Variants in RALGDS observed in about 807,000 individuals in gnomAD.
The protein encoded by RALGDS is ral guanine nucleotide dissociation stimulator, also known as ral guanine nucleotide exchange factor.
In RALGDS, 44 loss-of-function variants were observed where a neutral mutation model predicts 99.8. The ratio of observed to expected loss-of-function variants is 0.44; its 90% confidence interval spans 0.35 to 0.57. RALGDS has a LOEUF of 0.57. Among genes scored for constraint, RALGDS ranks in the 20% least tolerant of loss-of-function variants. The pLI is 0.01. For synonymous variants in RALGDS, 529 were observed against 505.0 expected (o/e 1.05, Z -0.64); for missense variants, 1,022 against 1,203.1 (o/e 0.85, Z 2.23).
chr9:133,141,524 G>A (rs1298397849), intron 1 of RALGDS, among the ~76,000 whole-genome samples: 2 of 152,100 alleles, frequency 1.3e-5, no homozygotes, highest in Non-Finnish European at 2.9e-5. Flanking sequence ...GAGGCTCAGA[G>A]GGGACCTGTG....
intron 1 of RALGDS, among the ~76,000 whole-genome samples, chr9:133,145,269 C>T (rs572812191): frequency 7.2e-5 from 11 of 152,314 alleles, no homozygotes; most frequent in African/African-American, 2.4e-4. Context: ...CTCCCCTCCA[C>T]GAATCAACCA....
At chr9:133,101,311 G>GA in intron 16 of RALGDS, 3 of 1,400,720 alleles carry the variant, frequency 2.1e-6, no homozygotes, top group Middle Eastern at 1.8e-4. Flanking sequence ...AGCTCCTGGG[G>GA]GCTTTGCACG....
chr9:133,113,128 C>A (rs191464986), intron 1 of RALGDS, among the ~76,000 whole-genome samples: 3 of 152,282 alleles, frequency 2.0e-5, no homozygotes, highest in Admixed American at 1.3e-4. Context: ...GAGCTTGCAG[C>A]GGGTAGAGGA....
chr9:133,120,935 C>A, intron 1 of RALGDS, 37 bp downstream of exon 1: 1 of 1,466,184 alleles, frequency 6.8e-7, no homozygotes, highest in Non-Finnish European at 9.0e-7. Flanking sequence ...GGGGAGGCTC[C>A]GACGCACCCC....
chr9:133,107,398 G>C (rs1831119348), intron 6 of RALGDS, 98 bp from the exon 7 acceptor site: 4 of 1,123,024 alleles, frequency 3.6e-6, no homozygotes, highest in Non-Finnish European at 5.3e-6. Context: ...GGGATCTCTG[G>C]GTTTTATCCC....
Position 133,108,206 on chromosome 9 carries a change from A to G in RALGDS, c.979T>C (p.Ser327Pro). Residue 327 changes from serine to proline, a missense_variant, in exon 6 of 18, where the codon TCG becomes CCG. Ser to Pro is a moderately conservative substitution (Grantham distance 74, BLOSUM62 -1). This residue lies in a region of RALGDS where 825 missense variants were observed against 994.5 expected (regional missense o/e 0.83). Coordinates refer to ENST00000372050, the MANE Select transcript of RALGDS (RefSeq NM_006266.4). ...AGTTCCAGAGCTGGCGCTGGAGCCG[A>G]TTCTAGTCCCACAGCTGGCTCTGGA... ...QAPEPAVGLE[S>P]APAPALELEP... 1 of 1,612,458 alleles carries G rather than the reference A, an allele frequency of 6.2e-7. No homozygotes were observed. The highest frequency in any genetic ancestry group is 8.5e-7 in the Non-Finnish European group (1 of 1,179,778).
At chr9:133,102,203 TGCA>T in intron 14 of RALGDS, 64 bp from the exon 15 acceptor site, 1 of 1,499,032 alleles carries the variant, frequency 6.7e-7, no homozygotes, top group Non-Finnish European at 9.0e-7. Flanking sequence ...CCACAGCCCC[TGCA>T]CCCTGCGCCC....
At chr9:133,110,515 A>T (rs754404837) in intron 2 of RALGDS, 26 bp from the exon 3 acceptor site, 56 of 1,581,690 alleles carry the variant, frequency 3.5e-5, no homozygotes, top group East Asian at 3.4e-4. Flanking sequence ...GGAGGGACAG[A>T]CAGTCAGTGG....
intron 1 of RALGDS, among the ~76,000 whole-genome samples, chr9:133,117,454 C>T (rs1202891601): frequency 6.6e-6 from 1 of 152,218 alleles, no homozygotes; most frequent in African/African-American, 2.4e-5. Context: ...GCAAGCTTCC[C>T]CATGGAGGAA....
chr9:133,123,821 C>G (rs55950819), upstream of RALGDS, among the ~76,000 whole-genome samples: 2,021 of 10,946 alleles, frequency 0.18, 326 homozygotes, highest in South Asian at 0.27. Context: ...CACAGAGAGA[C>G]AGAGACACAG....
upstream of RALGDS, among the ~76,000 whole-genome samples, chr9:133,133,065 T>C (rs994814315): frequency 6.6e-5 from 10 of 152,210 alleles, no homozygotes; most frequent in African/African-American, 1.9e-4. Context: ...TACCAGGCCC[T>C]CTGCAGGGCC....
At chr9:133,125,831 C>T (rs557680415), upstream of RALGDS, among the ~76,000 whole-genome samples, 2 of 152,240 alleles carry the variant, frequency 1.3e-5, no homozygotes, top group Admixed American at 6.5e-5. Context: ...CTTCTGACCC[C>T]GGGCAGTGAC....
chr9:133,120,715 C>T (rs1394320150), intron 1 of RALGDS, among the ~76,000 whole-genome samples: 1 of 152,220 alleles, frequency 6.6e-6, no homozygotes, highest in African/African-American at 2.4e-5. Flanking sequence ...TGACAGCAGG[C>T]CCTGGAACGG....
chr9:133,113,850 C>T (rs760220489), intron 1 of RALGDS, among the ~76,000 whole-genome samples: 1 of 152,160 alleles, frequency 6.6e-6, no homozygotes, highest in Non-Finnish European at 1.5e-5. Flanking sequence ...CCTGAGTGTC[C>T]AAGTCACCGG....
chr9:133,120,214 G>A (rs1053183872), intron 1 of RALGDS, among the ~76,000 whole-genome samples: 15 of 150,948 alleles, frequency 9.9e-5, no homozygotes, highest in African/African-American at 3.4e-4. Context: ...ACAAGCCCCC[G>A]CCCTCACCTA....
chr9:133,113,104 T>A (rs1453727302), intron 1 of RALGDS, among the ~76,000 whole-genome samples: 1 of 152,176 alleles, frequency 6.6e-6, no homozygotes, highest in Non-Finnish European at 1.5e-5. Flanking sequence ...ACCTGCTCTG[T>A]CCAGGGACGG....
intron 1 of RALGDS, among the ~76,000 whole-genome samples, chr9:133,145,389 C>G (rs970171298): frequency 7.1e-6 from 1 of 140,880 alleles, no homozygotes; most frequent in African/African-American, 2.5e-5. Context: ...CCACCCCCCG[C>G]CCCGGCATGG....
At chr9:133,146,710 G>C (rs754597342) in intron 1 of RALGDS, among the ~76,000 whole-genome samples, 6 of 152,328 alleles carry the variant, frequency 3.9e-5, no homozygotes, top group African/African-American at 1.4e-4. Flanking sequence ...TATGACTTCT[G>C]TCTTGCTTGT....
Position 133,107,111 on chromosome 9 carries a change from C to T in RALGDS, c.1387G>A (p.Val463Met), listed in dbSNP as rs1831103967. ...CTGGCCACCTCGATCCAGTGCTCCA[C>T]CACCCTGGCCCTGTCTGGGGCTTTC... ...STKAPDRARV[V>M]EHWIEVAREC... The change falls in exon 7 of 18, where the codon GTG (valine) becomes ATG (methionine). Residue 463 changes from valine (V) to methionine (M), a missense_variant. Val to Met is a conservative substitution (Grantham distance 21). This residue lies in a region of RALGDS where 825 missense variants were observed against 994.5 expected (regional missense o/e 0.83). Coordinates refer to ENST00000372050, the MANE Select transcript of RALGDS (RefSeq NM_006266.4). 1.2e-6 allele frequency: 2 copies of T among 1,613,650 alleles called. No individual in the cohort carries two copies. The highest frequency in any genetic ancestry group is 1.7e-6 in the Non-Finnish European group (2 of 1,180,044).
Sources: allele counts gnomAD v4.1 joint callset (sites outside exome capture counted in the v4.1 genomes callset), GRCh38; gene constraint gnomAD v4.1.1; regional missense constraint gnomAD v4.1.1; transcripts MANE v1.5; gene names NCBI Gene and HGNC (gene_info 2026-07-23, HGNC 2026-07-21).